The following ZFYVE26 variants were observed in gnomAD, a reference collection of about 807,000 sequenced individuals.
ZFYVE26 encodes the protein zinc finger FYVE-type containing 26.
In ZFYVE26, 181 loss-of-function variants were observed where a neutral mutation model predicts 276.5. The ratio of observed to expected loss-of-function variants is 0.65; its 90% confidence interval spans 0.58 to 0.74. The LOEUF is 0.74. Among genes scored for constraint, ZFYVE26 ranks in the 30% least tolerant of loss-of-function variants. The pLI, the probability that ZFYVE26 is intolerant of heterozygous loss-of-function variation, is 0.00. For synonymous variants in ZFYVE26, 1,129 were observed against 1,203.1 expected, an observed-to-expected ratio of 0.94 and a Z score of 1.27; for missense variants, 2,821 against 3,097.9, an observed-to-expected ratio of 0.91 and a Z score of 2.12.
intron 38 of ZFYVE26, 136 bp downstream of exon 38, chr14:67,753,935 G>T: frequency 6.6e-7 from 1 of 1,522,168 alleles, no homozygotes; most frequent in Non-Finnish European, 9.1e-7. Flanking sequence ...CTGATCACCA[G>T]TCTTTGGTGG....
At chr14:67,764,384 G>A (rs2039005729) in intron 32 of ZFYVE26, among the ~76,000 whole-genome samples, 1 of 152,102 alleles carries the variant, frequency 6.6e-6, no homozygotes, top group African/African-American at 2.4e-5. Flanking sequence ...AGTAGGTGGT[G>A]AGTTTATTTT....
At chr14:67,814,296 A>C (rs576334751) in intron 2 of ZFYVE26, among the ~76,000 whole-genome samples, 1 of 152,302 alleles carries the variant, frequency 6.6e-6, no homozygotes, top group Admixed American at 6.5e-5. Flanking sequence ...AGGTGGGTGG[A>C]TCACCTGTGG....
At chr14:67,754,241 C>A in intron 37 of ZFYVE26, 29 bp from the exon 38 acceptor site, 2 of 1,613,956 alleles carry the variant, frequency 1.2e-6, no homozygotes, top group Non-Finnish European at 1.7e-6. Context: ...CACAGTCCAG[C>A]CTCATGAGGG....
At chr14:67,798,854 C>T (rs1402686282) in intron 10 of ZFYVE26, 5 of 867,814 alleles carry the variant, frequency 5.8e-6, no homozygotes, top group Non-Finnish European at 7.0e-6. Context: ...GGGTCCCGCC[C>T]CGAGGCCAAC....
intron 3 of ZFYVE26, among the ~76,000 whole-genome samples, chr14:67,811,799 G>A (rs1251856048): frequency 6.8e-6 from 1 of 146,926 alleles, no homozygotes; most frequent in African/African-American, 2.5e-5. Flanking sequence ...ATTTAATTTT[G>A]TAATTTTACA....
At chr14:67,791,513 C>T (rs550670746) in intron 14 of ZFYVE26, among the ~76,000 whole-genome samples, 11 of 151,714 alleles carry the variant, frequency 7.3e-5, no homozygotes, top group South Asian at 4.2e-4. Flanking sequence ...GAAATATTGG[C>T]CAAAAAAATA....
chr14:67,788,718 G>C (rs2039726783), intron 16 of ZFYVE26, among the ~76,000 whole-genome samples: 1 of 152,074 alleles, frequency 6.6e-6, no homozygotes, highest in South Asian at 2.1e-4. Flanking sequence ...AGACACATGG[G>C]GCTACTCATA....
At chr14:67,806,708 C>T (rs2040188192) in intron 5 of ZFYVE26, 33 bp from the exon 6 acceptor site, 1 of 1,613,514 alleles carries the variant, frequency 6.2e-7, no homozygotes, top group Admixed American at 1.7e-5. Flanking sequence ...ATCAGGAAAC[C>T]AAGAACTCTT....
chr14:67,745,278 T>A (rs2038467994), downstream of ZFYVE26, among the ~76,000 whole-genome samples: 1 of 152,256 alleles, frequency 6.6e-6, no homozygotes, highest in South Asian at 2.1e-4. Context: ...GTAAATTTAT[T>A]TAAGTTCCTT....
chr14:67,813,047 C>A (rs550022172), intron 3 of ZFYVE26, among the ~76,000 whole-genome samples: 40 of 152,292 alleles, frequency 2.6e-4, no homozygotes, highest in African/African-American at 9.1e-4. Flanking sequence ...TTAGCAATTT[C>A]TGTTACTTTT....
intron 35 of ZFYVE26, chr14:67,760,944 G>C: frequency 2.3e-6 from 1 of 432,300 alleles, no homozygotes; most frequent in Non-Finnish European, 4.2e-6. Context: ...GGCCCTTGTA[G>C]TAACAACTCT....
chr14:67,814,872 T>C (rs1286003027), intron 2 of ZFYVE26, among the ~76,000 whole-genome samples: 2 of 152,216 alleles, frequency 1.3e-5, no homozygotes, highest in Non-Finnish European at 2.9e-5. Context: ...AGTTTCTCCA[T>C]CGTATATGTG....
At chr14:67,768,476 T>TACACAAAA (rs772515631) in intron 30 of ZFYVE26, 41 bp downstream of exon 30, 1 of 1,607,916 alleles carries the variant, frequency 6.2e-7, no homozygotes, top group South Asian at 1.1e-5. Flanking sequence ...TCAACTTAAG[T>TACACAAAA]ACACAAATGA....
At chr14:67,744,607 CCT>C (rs988140978), downstream of ZFYVE26, among the ~76,000 whole-genome samples, 5 of 152,106 alleles carry the variant, frequency 3.3e-5, no homozygotes, top group African/African-American at 1.2e-4. Flanking sequence ...TGTTCCCCTC[CCT>C]GTCTCCATGT....
At chr14:67,731,730 A>G (rs980286420) in intron 13 of ZFYVE26, among the ~76,000 whole-genome samples, 4 of 152,190 alleles carry the variant, frequency 2.6e-5, no homozygotes, top group African/African-American at 9.6e-5. Flanking sequence ...TGGAGGGATA[A>G]CCAGCCACTG....
At chr14:67,798,937 A>G (rs777665002) in intron 10 of ZFYVE26, 12 of 1,107,220 alleles carry the variant, frequency 1.1e-5, no homozygotes, top group Non-Finnish European at 1.6e-5. Context: ...GGCGCCTCTG[A>G]TCTTTATTTC....
Position 67,797,731 on chromosome 14 carries a change from T to C in ZFYVE26, c.2273A>G (p.Gln758Arg), listed in dbSNP as rs746411723. 1.2e-6 allele frequency: 2 copies of C among 1,614,040 alleles called. No individual in the cohort carries two copies. The highest frequency in any genetic ancestry group is 2.7e-5 in the African/African-American group (2 of 74,918). ...RSEEQPSRRY[Q>R]PATRHPSLRR... is the part of the protein sequence containing the mutation. ...GAGACTGGGGTGACGTGTGGCAGGC[T>C]GGTATCTTCGGGAAGGTTGCTCCTC... The change falls in exon 12 of 42, where the codon CAG becomes CGG. Residue 758 changes from glutamine to arginine, a missense_variant. Physicochemically the swap from Gln to Arg is conservative, Grantham distance 43. Transcript: ENST00000347230.
At chr14:67,792,237 T>C (rs2039833215) in intron 14 of ZFYVE26, among the ~76,000 whole-genome samples, 1 of 152,132 alleles carries the variant, frequency 6.6e-6, no homozygotes, top group African/African-American at 2.4e-5. Flanking sequence ...TGAACTCACA[T>C]GAAAGAACAA....
At chr14:67,782,202 C>T (rs146166768) in intron 21 of ZFYVE26, among the ~76,000 whole-genome samples, 1 of 152,220 alleles carries the variant, frequency 6.6e-6, no homozygotes, top group East Asian at 1.9e-4. Context: ...AGTGTTACAG[C>T]TCATTGGCTT....
Sources: gnomAD v4.1 joint callset for allele counts (sites outside exome capture counted in the v4.1 genomes callset) on GRCh38, gnomAD v4.1.1 for gene constraint, MANE v1.5 for transcripts, NCBI Gene and HGNC (gene_info 2026-07-23, HGNC 2026-07-21) for gene names.